GLMN: variants seen among roughly 807,000 people sequenced by gnomAD.
The protein encoded by GLMN is glomulin.
In GLMN, 75 loss-of-function variants were observed where a neutral mutation model predicts 87.8. The observed-to-expected ratio is 0.85, with a 90% confidence interval of 0.71 to 1.04. The LOEUF (loss-of-function observed/expected upper bound fraction) is 1.04. GLMN is among the 50% of genes least tolerant of loss of function. The pLI, the probability that GLMN is intolerant of heterozygous loss-of-function variation, is 0.00. For synonymous variants in GLMN, 206 were observed against 221.6 expected (o/e 0.93, Z 0.63); for missense variants, 588 against 658.8 (o/e 0.89, Z 1.18).
chr1:92,262,184 A>C (rs866352908), intron 16 of GLMN, among the ~76,000 whole-genome samples: 1 of 152,168 alleles, frequency 6.6e-6, no homozygotes, highest in Non-Finnish European at 1.5e-5. Flanking sequence ...TATAAAAATG[A>C]ATTACTAAAA....
chr1:92,301,645 T>C (rs2101097256), upstream of GLMN: 3 of 710,518 alleles, frequency 4.2e-6, no homozygotes, highest in African/African-American at 1.9e-5. Context: ...TTTAAATCTG[T>C]GCAGCATGAA....
rs79079651 is a variant in GLMN, at chr1:92,261,616, T to C, written c.1473+1247A>G. 2.5e-3 allele frequency among the ~76,000 whole-genome samples: 386 copies of C among 152,302 alleles called. 3 individuals are homozygous for C. The highest frequency in any genetic ancestry group is 9.3e-3 in the South Asian group (45 of 4,824). ...ATGCTGGAAATGTTCTATATTGATA[T>C]GGGTTTGAGTAATATAGATCTATGT... On this transcript the variant is annotated intron_variant, in intron 16 of 18. Coordinates refer to ENST00000370360, the MANE Select transcript of GLMN (RefSeq NM_053274.3).
chr1:92,264,655 C>T lies in GLMN; in HGVS notation c.1215-17G>A. On this transcript the variant is annotated splice_polypyrimidine_tract_variant and intron_variant, in intron 13 of 18. Transcript: ENST00000370360. ...AATAAGCACCTTGAAAGCAAAATTACAATAGATGTGAAATTATCCTGGACA... is the reference window on the plus strand; with the variant it reads ...AATAAGCACCTTGAAAGCAAAATTATAATAGATGTGAAATTATCCTGGACA... 3.8e-6 allele frequency: 5 copies of T among 1,328,242 alleles called. No homozygotes were observed. The highest frequency in any genetic ancestry group is 4.6e-5 in the East Asian group (2 of 43,478). 82.3% of individuals were successfully genotyped at this position (1,328,242 alleles called of 1,614,324 possible).
the GLMN span, among the ~76,000 whole-genome samples, chr1:92,329,710 A>T: frequency 1.6e-4 from 24 of 152,130 alleles, no homozygotes; most frequent in African/African-American, 5.3e-4. Flanking sequence ...TATTTTTAAT[A>T]TTAAACCAAC....
chr1:92,356,577 C>G, the GLMN span, among the ~76,000 whole-genome samples: 30 of 132,268 alleles, frequency 2.3e-4, no homozygotes, highest in African/African-American at 8.3e-4. Context: ...TGTCACCACT[C>G]CTGGCTAATT....
At chr1:92,249,059 CAT>C (rs921339951) in intron 16 of GLMN, among the ~76,000 whole-genome samples, 1 of 151,784 alleles carries the variant, frequency 6.6e-6, no homozygotes, top group Admixed American at 6.6e-5. Context: ...TAAATTATGA[CAT>C]ATTAACATAA....
At chr1:92,335,716 C>G in the GLMN span, among the ~76,000 whole-genome samples, 4 of 152,128 alleles carry the variant, frequency 2.6e-5, no homozygotes, top group African/African-American at 9.6e-5. Context: ...AAAATAGATT[C>G]ACATTATTTT....
chr1:92,296,482 G>C (rs577288100), intron 3 of GLMN, among the ~76,000 whole-genome samples: 7 of 152,206 alleles, frequency 4.6e-5, no homozygotes, highest in Middle Eastern at 3.4e-3. Context: ...CATCAGACCT[G>C]GTGAGAACTC....
At chr1:92,280,260 C>T (rs1459983640) in intron 7 of GLMN, among the ~76,000 whole-genome samples, 1 of 152,208 alleles carries the variant, frequency 6.6e-6, no homozygotes, top group African/African-American at 2.4e-5. Context: ...GACAAAGCTT[C>T]CAGAGGAAGG....
At chr1:92,272,162 C>G (rs72958758) in intron 7 of GLMN, among the ~76,000 whole-genome samples, 1 of 152,138 alleles carries the variant, frequency 6.6e-6, no homozygotes, top group African/African-American at 2.4e-5. Flanking sequence ...ATTCTGCCAG[C>G]GGAGGAAACC....
the GLMN span, among the ~76,000 whole-genome samples, chr1:92,310,618 C>T: frequency 6.6e-6 from 1 of 151,916 alleles, no homozygotes; most frequent in Non-Finnish European, 1.5e-5. Context: ...ATTTTTATGG[C>T]CAGGTGTGGT....
At chr1:92,276,137 G>C (rs182328933) in intron 7 of GLMN, among the ~76,000 whole-genome samples, 4 of 151,962 alleles carry the variant, frequency 2.6e-5, no homozygotes, top group Admixed American at 2.6e-4. Flanking sequence ...GAGGTGGAAG[G>C]ATCACTTGAG....
the GLMN span, among the ~76,000 whole-genome samples, chr1:92,351,313 AAAAAAAAAAAAAAAAG>A: frequency 7.1e-6 from 1 of 140,632 alleles, no homozygotes; most frequent in East Asian, 1.9e-4. Flanking sequence ...CTCAAAAAAA[AAAAAAAAAAAAAAAAG>A]AAAGGACCAT....
At chr1:92,251,111 C>T (rs149678196) in intron 16 of GLMN, among the ~76,000 whole-genome samples, 1 of 151,920 alleles carries the variant, frequency 6.6e-6, no homozygotes, top group Non-Finnish European at 1.5e-5. Context: ...AAAATTTATA[C>T]AGAAAAGGTA....
the GLMN span, among the ~76,000 whole-genome samples, chr1:92,350,726 A>G: frequency 6.6e-6 from 1 of 152,150 alleles, no homozygotes; most frequent in Non-Finnish European, 1.5e-5. Context: ...GATCAGTTGA[A>G]GTCAGGACCA....
intron 12 of GLMN, 28 bp downstream of exon 12, chr1:92,266,672 A>G: frequency 1.3e-6 from 2 of 1,485,118 alleles, no homozygotes; most frequent in Non-Finnish European, 1.9e-6. Context: ...GTAACTCATT[A>G]TTCTTTAGTC....
chr1:92,252,693 C>G (rs1186935281), intron 16 of GLMN, among the ~76,000 whole-genome samples: 3 of 151,636 alleles, frequency 2.0e-5, no homozygotes, highest in African/African-American at 7.3e-5. Flanking sequence ...CTCAAGGTTA[C>G]CAGATCGTTT....
the GLMN span, among the ~76,000 whole-genome samples, chr1:92,343,976 T>A: frequency 6.6e-6 from 1 of 152,202 alleles, no homozygotes; most frequent in Non-Finnish European, 1.5e-5. Context: ...TCCCCTTTGT[T>A]CCCTTTCCCA....
intron 16 of GLMN, among the ~76,000 whole-genome samples, 175 bp downstream of exon 16, chr1:92,262,688 T>C (rs1655185638): frequency 6.6e-6 from 1 of 152,198 alleles, no homozygotes; most frequent in African/African-American, 2.4e-5. Context: ...AAGCTGGATG[T>C]GGGGTGGTAA....
Sources: gnomAD v4.1 joint callset for allele counts (sites outside exome capture counted in the v4.1 genomes callset) on GRCh38, gnomAD v4.1.1 for gene constraint, MANE v1.5 for transcripts, NCBI Gene and HGNC (gene_info 2026-07-23, HGNC 2026-07-21) for gene names.